DPYD: variants seen among roughly 807,000 people sequenced by gnomAD.
DPYD encodes dihydropyrimidine dehydrogenase [NADP(+)].
A neutral mutation model predicts 116.2 loss-of-function variants in DPYD; 109 were observed. The observed-to-expected ratio is 0.94, with a 90% CI of 0.80 to 1.10. DPYD has a LOEUF of 1.10. DPYD is among the 50% of genes least tolerant of loss of function. The pLI is 0.00. For synonymous variants in DPYD, 440 were observed against 432.0 expected, an observed-to-expected ratio of 1.02 and a Z score of -0.23; for missense variants, 1,302 against 1,254.5, an observed-to-expected ratio of 1.04 and a Z score of -0.57.
At chr1:97,907,165 C>T (rs937306097) in intron 1 of DPYD, among the ~76,000 whole-genome samples, 2 of 152,040 alleles carry the variant, frequency 1.3e-5, no homozygotes, top group African/African-American at 4.8e-5. Context: ...CAATTTAAAA[C>T]TTATGAATTA....
chr1:97,335,403 G>A (rs1669237707), intron 16 of DPYD, among the ~76,000 whole-genome samples: 1 of 151,720 alleles, frequency 6.6e-6, no homozygotes, highest in African/African-American at 2.4e-5. Flanking sequence ...CCATGTAACT[G>A]TTTAAAAGAG....
At chr1:97,906,244 C>A (rs1673611981) in intron 1 of DPYD, among the ~76,000 whole-genome samples, 2 of 152,006 alleles carry the variant, frequency 1.3e-5, no homozygotes, top group Non-Finnish European at 2.9e-5. Context: ...ATATGAATTT[C>A]TTTATCATTT....
chr1:97,783,212 G>A (rs910311245), intron 3 of DPYD, among the ~76,000 whole-genome samples: 1 of 152,126 alleles, frequency 6.6e-6, no homozygotes, highest in Admixed American at 6.6e-5. Context: ...CCATGCCCTA[G>A]TTGTACAGGA....
At chr1:97,726,897 A>C (rs1186367280) in intron 4 of DPYD, among the ~76,000 whole-genome samples, 1 of 151,730 alleles carries the variant, frequency 6.6e-6, no homozygotes, top group Non-Finnish European at 1.5e-5. Flanking sequence ...CTTATGGCTC[A>C]TGATTTTTCT....
At chr1:97,107,289 G>T (rs1459119091) in intron 20 of DPYD, among the ~76,000 whole-genome samples, 1 of 152,108 alleles carries the variant, frequency 6.6e-6, no homozygotes, top group Admixed American at 6.6e-5. Flanking sequence ...GTTAACTGGG[G>T]CCTGCATAGT....
intron 20 of DPYD, among the ~76,000 whole-genome samples, chr1:97,101,778 T>C (rs1291476050): frequency 1.3e-5 from 2 of 152,010 alleles, no homozygotes; most frequent in Non-Finnish European, 2.9e-5. Context: ...TCATGCTATA[T>C]TTCTTAAACA....
chr1:97,508,955 T>C (rs751848217), intron 13 of DPYD, among the ~76,000 whole-genome samples: 2 of 151,918 alleles, frequency 1.3e-5, no homozygotes, highest in Non-Finnish European at 2.9e-5. Flanking sequence ...ACAAGTCCAG[T>C]GTAGTCTCTT....
intron 1 of DPYD, among the ~76,000 whole-genome samples, chr1:97,901,592 T>C (rs1673371837): frequency 6.6e-6 from 1 of 151,784 alleles, no homozygotes; most frequent in South Asian, 2.1e-4. Flanking sequence ...TTTGTGATTA[T>C]AAGGGGAATA....
chr1:97,765,896 G>T (rs1183717192), intron 3 of DPYD, among the ~76,000 whole-genome samples: 1 of 152,190 alleles, frequency 6.6e-6, no homozygotes, highest in Non-Finnish European at 1.5e-5. Flanking sequence ...GCTGAATAAT[G>T]AAATGATCAT....
At chr1:97,529,871 C>T (rs569152085) in intron 12 of DPYD, among the ~76,000 whole-genome samples, 1 of 147,646 alleles carries the variant, frequency 6.8e-6, no homozygotes, top group African/African-American at 2.5e-5. Context: ...CCCTTTCCTT[C>T]TTTCCTCTTT....
intron 18 of DPYD, among the ~76,000 whole-genome samples, chr1:97,267,369 G>T (rs761321143): frequency 2.0e-5 from 3 of 152,000 alleles, no homozygotes; most frequent in Non-Finnish European, 4.4e-5. Context: ...CCCACTTTTT[G>T]ATCAAGTGGA....
At chr1:97,712,251 C>T (rs765535791) in intron 5 of DPYD, among the ~76,000 whole-genome samples, 3 of 151,930 alleles carry the variant, frequency 2.0e-5, no homozygotes, top group African/African-American at 4.8e-5. Context: ...TTCATTTATT[C>T]GTATCTCTTT....
At position 97,780,669 on chromosome 1, in the gene DPYD, A is replaced by G. The variant is rs181593000; in HGVS notation, c.234-40190T>C. 2.6e-5 allele frequency among the ~76,000 whole-genome samples: 4 copies of G among 152,310 alleles called. No homozygotes were observed. In the East Asian group the frequency reaches 5.8e-4, roughly 22 times the overall value. Reference sequence around the variant, plus strand: ...ATATTCTAAGTTCTACCAAGCAAGTAGTACTCTACAAAACCTCATTCTGTC... The same window carrying G: ...ATATTCTAAGTTCTACCAAGCAAGTGGTACTCTACAAAACCTCATTCTGTC... On this transcript the variant is annotated intron_variant, in intron 3 of 22. Coordinates refer to ENST00000370192, the MANE Select transcript of DPYD (RefSeq NM_000110.4).
intron 18 of DPYD, among the ~76,000 whole-genome samples, chr1:97,263,866 C>T (rs1004420181): frequency 6.6e-6 from 1 of 151,984 alleles, no homozygotes; most frequent in Non-Finnish European, 1.5e-5. Flanking sequence ...AACCCTACCA[C>T]CACAACAAAA....
chr1:97,854,917 T>G (rs949904423), intron 2 of DPYD: 4 of 152,238 alleles, frequency 2.6e-5, no homozygotes, highest in Non-Finnish European at 5.9e-5. Flanking sequence ...CAACGCAGTT[T>G]ATGCTTCCCA....
chr1:97,865,853 C>T (rs937344685), intron 2 of DPYD, among the ~76,000 whole-genome samples: 1 of 151,904 alleles, frequency 6.6e-6, no homozygotes, highest in African/African-American at 2.4e-5. Context: ...AATATCAACA[C>T]TGGCATATAT....
intron 20 of DPYD, among the ~76,000 whole-genome samples, chr1:97,145,669 T>C (rs1010786349): frequency 1.3e-5 from 2 of 151,854 alleles, no homozygotes; most frequent in Non-Finnish European, 2.9e-5. Flanking sequence ...CTGTAATGAA[T>C]GCGTGCTGCA....
intron 8 of DPYD, among the ~76,000 whole-genome samples, chr1:97,659,372 A>T (rs992967031): frequency 2.0e-5 from 3 of 152,182 alleles, no homozygotes; most frequent in African/African-American, 4.8e-5. Context: ...AAAGCTTTCA[A>T]TGATAATTTT....
At chr1:97,522,473 A>G (rs1477119570) in intron 12 of DPYD, among the ~76,000 whole-genome samples, 1 of 152,186 alleles carries the variant, frequency 6.6e-6, no homozygotes, top group Non-Finnish European at 1.5e-5. Flanking sequence ...CTGTAATCCC[A>G]GCACTTTGGG....
Sources: allele counts gnomAD v4.1 joint callset (sites outside exome capture counted in the v4.1 genomes callset), GRCh38; gene constraint gnomAD v4.1.1; transcripts MANE v1.5; gene names NCBI Gene and HGNC (gene_info 2026-07-23, HGNC 2026-07-21).